CACNA1C: variants seen among roughly 807,000 people sequenced by gnomAD.
The protein encoded by CACNA1C is voltage-dependent L-type calcium channel subunit alpha-1C.
In CACNA1C, 30 loss-of-function variants were observed where a neutral mutation model predicts 229.0. The ratio of observed to expected loss-of-function variants is 0.13; its 90% CI spans 0.10 to 0.18. The LOEUF is 0.18. CACNA1C is among the 10% of genes least tolerant of loss of function. The pLI, the probability that CACNA1C is intolerant of heterozygous loss-of-function variation, is 1.00. For synonymous variants in CACNA1C, 1,114 were observed against 1,132.5 expected (o/e 0.98, Z 0.33); for missense variants, 1,658 against 2,845.0 (o/e 0.58, Z 9.49).
intron 1 of CACNA1C, among the ~76,000 whole-genome samples, chr12:1,989,141 C>T (rs2038670095): frequency 6.6e-6 from 1 of 152,066 alleles, no homozygotes; most frequent in Admixed American, 6.5e-5. Context: ...GCCAACTACT[C>T]AGGAGGCTGA....
At chr12:2,497,920 G>A (rs974091062) in intron 7 of CACNA1C, among the ~76,000 whole-genome samples, 3 of 149,510 alleles carry the variant, frequency 2.0e-5, no homozygotes, top group Non-Finnish European at 3.0e-5. Flanking sequence ...CCTTCATCTT[G>A]CCATCCCACT....
intron 1 of CACNA1C, among the ~76,000 whole-genome samples, chr12:2,113,746 G>A (rs1315515074): frequency 6.6e-6 from 1 of 152,208 alleles, no homozygotes; most frequent in African/African-American, 2.4e-5. Flanking sequence ...TGTGTTCTGG[G>A]AGATTCAGGT....
At position 2,581,488 on chromosome 12, in the gene CACNA1C, G is replaced by A. The variant is rs909314557; in HGVS notation, c.1896-102G>A. On this transcript the variant is annotated intron_variant, in intron 13 of 46. Transcript: ENST00000399655. The stretch of plus-strand genomic sequence containing the variant: ...CGGGCAGGGAAAAAGAGCATAGAGT[G>A]GCAGCTCCTCTGAGAACCTGCAGTG... The A allele has an allele frequency of 1.8e-5, 19 of 1,054,122 alleles. No individual in the cohort carries two copies. In the Admixed American group the frequency reaches 2.9e-4, roughly 16 times the overall value. The allele number at this position is 1,054,122 out of a possible 1,614,324, so 65.3% of individuals were successfully genotyped here.
At chr12:2,384,091 A>G (rs1406143981) in intron 3 of CACNA1C, among the ~76,000 whole-genome samples, 1 of 152,224 alleles carries the variant, frequency 6.6e-6, no homozygotes, top group Non-Finnish European at 1.5e-5. Context: ...AAAACCCTCC[A>G]GACAAGCTGC....
At chr12:2,076,779 TG>T (rs2063363229) in intron 1 of CACNA1C, among the ~76,000 whole-genome samples, 1 of 152,180 alleles carries the variant, frequency 6.6e-6, no homozygotes, top group African/African-American at 2.4e-5. Flanking sequence ...CTTTATAGAA[TG>T]GGACTTGTTA....
chr12:2,049,016 A>T (rs537360030), upstream of CACNA1C: 1 of 152,376 alleles, frequency 6.6e-6, no homozygotes, highest in South Asian at 2.1e-4. Context: ...ACCTGACTTT[A>T]AAAGGAAAAT....
chr12:2,360,167 C>T (rs1161704638), intron 3 of CACNA1C, among the ~76,000 whole-genome samples: 1 of 106,596 alleles, frequency 9.4e-6, no homozygotes, highest in Non-Finnish European at 1.9e-5. Flanking sequence ...CCCCCCCCCA[C>T]CCCCCCACCC....
chr12:2,623,202 G>T (rs868416950), intron 29 of CACNA1C, among the ~76,000 whole-genome samples: 1 of 152,196 alleles, frequency 6.6e-6, no homozygotes, highest in Non-Finnish European at 1.5e-5. Flanking sequence ...GAAAGTGGCT[G>T]TGATTGGGTC....
intron 12 of CACNA1C, among the ~76,000 whole-genome samples, chr12:2,567,288 G>A (rs980712942): frequency 3.9e-5 from 6 of 152,324 alleles, no homozygotes; most frequent in African/African-American, 1.2e-4. Context: ...TGGGCATGAC[G>A]ATGGTGGTAC....
chr12:2,636,005 G>T (rs1454900522), intron 30 of CACNA1C, among the ~76,000 whole-genome samples: 1 of 152,220 alleles, frequency 6.6e-6, no homozygotes, highest in Non-Finnish European at 1.5e-5. Flanking sequence ...TTTTGCAGCT[G>T]GATGAGCCCC....
At position 2,115,212 on chromosome 12, in the gene CACNA1C, CT is replaced by C; in HGVS notation, c.50-8del. 6.5e-7 allele frequency: 1 copy of C among 1,534,716 alleles called. No homozygotes were observed. ...TCTAGTAACTGTTGTGTTCTTTTCT[CT>C]TTTGCCACAGGTTCCAACTATGGGA... On this transcript the variant is annotated splice_polypyrimidine_tract_variant and intron_variant, in intron 1 of 46. Coordinates refer to ENST00000399655, the MANE Select transcript of CACNA1C (RefSeq NM_000719.7).
At chr12:2,468,009 C>G (rs2099569618) in intron 5 of CACNA1C, among the ~76,000 whole-genome samples, 1 of 152,158 alleles carries the variant, frequency 6.6e-6, no homozygotes, top group Non-Finnish European at 1.5e-5. Context: ...GGAGAGGGAC[C>G]CTGTGGGTTG....
Position 2,509,364 on chromosome 12 carries a change from C to T in CACNA1C, c.1218-3448C>T, listed in dbSNP as rs560397210. The stretch of plus-strand genomic sequence containing the variant: ...TATGGAATGTAACCCTTATTCATGA[C>T]GGTTACATTCCATAAAGTCACCACA... On this transcript the variant is annotated intron_variant, in intron 8 of 46. Transcript: ENST00000399655. Among the ~76,000 whole-genome samples the T allele has an allele frequency of 4.6e-4, 70 of 152,242 alleles. 1 individual carries two copies. In the South Asian group the frequency reaches 9.5e-3, roughly 21 times the overall value.
At chr12:2,401,425 C>T (rs2098675624) in intron 3 of CACNA1C, among the ~76,000 whole-genome samples, 2 of 152,232 alleles carry the variant, frequency 1.3e-5, no homozygotes, top group South Asian at 4.1e-4. Flanking sequence ...TTTCCACGAC[C>T]TCATCTGATC....
intron 9 of CACNA1C, among the ~76,000 whole-genome samples, chr12:2,539,213 G>A (rs1157702119): frequency 2.3e-5 from 3 of 129,610 alleles, no homozygotes; most frequent in Non-Finnish European, 5.1e-5. Context: ...CTTGAGGAGG[G>A]CTTCATAAAG....
intron 3 of CACNA1C, among the ~76,000 whole-genome samples, chr12:2,225,615 C>T (rs1453124741): frequency 1.3e-5 from 2 of 152,096 alleles, no homozygotes; most frequent in African/African-American, 4.8e-5. Context: ...GAGAGTTTTA[C>T]TTGGGATTCT....
chr12:2,631,751 C>T (rs1443380999), intron 29 of CACNA1C, among the ~76,000 whole-genome samples: 1 of 152,256 alleles, frequency 6.6e-6, no homozygotes, highest in East Asian at 1.9e-4. Context: ...CTAATCTCTG[C>T]TTCACCCATC....
intron 3 of CACNA1C, among the ~76,000 whole-genome samples, chr12:2,412,229 C>G (rs2154553777): frequency 6.6e-6 from 1 of 152,334 alleles, no homozygotes; most frequent in Middle Eastern, 3.4e-3. Flanking sequence ...AGGCCCCCCA[C>G]AATCCCTGCT....
chr12:2,264,129 T>A (rs2081385481), intron 3 of CACNA1C, among the ~76,000 whole-genome samples: 1 of 152,196 alleles, frequency 6.6e-6, no homozygotes, highest in Non-Finnish European at 1.5e-5. Context: ...GCTCAAAGCT[T>A]ACCTCACAGG....
Sources: gnomAD v4.1 joint callset for allele counts (sites outside exome capture counted in the v4.1 genomes callset) on GRCh38, gnomAD v4.1.1 for gene constraint, MANE v1.5 for transcripts, NCBI Gene and HGNC (gene_info 2026-07-23, HGNC 2026-07-21) for gene names.